PDZRN4: variants seen among roughly 807,000 people sequenced by gnomAD.
The protein encoded by PDZRN4 is PDZ domain-containing RING finger protein 4.
In PDZRN4, 70 loss-of-function variants were observed where a neutral mutation model predicts 99.0. That is an observed-to-expected ratio of 0.71 (90% CI 0.58 to 0.86). PDZRN4 has a LOEUF of 0.86. Ranked by LOEUF, PDZRN4 falls within the 40% of genes least tolerant of loss-of-function variation. The pLI is 0.00. For missense variants in PDZRN4, 1,474 were observed against 1,331.2 expected (o/e 1.11, Z -1.67); for synonymous variants, 551 against 501.6 (o/e 1.10, Z -1.32).
At chr12:41,280,993 T>C (rs536588595) in intron 3 of PDZRN4, among the ~76,000 whole-genome samples, 4 of 152,262 alleles carry the variant, frequency 2.6e-5, no homozygotes, top group South Asian at 2.1e-4. Flanking sequence ...GGTTCCCCTC[T>C]GGGACAAAGC....
intron 3 of PDZRN4, among the ~76,000 whole-genome samples, chr12:41,221,281 C>T (rs1950953998): frequency 6.6e-6 from 1 of 152,184 alleles, no homozygotes; most frequent in African/African-American, 2.4e-5. Context: ...TTTGTTACAG[C>T]ACTTACTCGT....
At chr12:41,296,550 C>G (rs1458262028) in intron 3 of PDZRN4, among the ~76,000 whole-genome samples, 5 of 152,138 alleles carry the variant, frequency 3.3e-5, no homozygotes, top group African/African-American at 9.7e-5. Context: ...AATATTCCTG[C>G]TCATTGCTTT....
At position 41,572,493 on chromosome 12, in the gene PDZRN4, A is replaced by T. The variant is rs1939498970; in HGVS notation, c.1714A>T (p.Asn572Tyr). ...LRNDESSEQE[N>Y]AAEDPNSTSL... The stretch of plus-strand genomic sequence containing the variant: ...AAATGATGAGAGCTCAGAGCAGGAG[A>T]ATGCAGCCGAGGACCCCAATAGCAC... The change falls in exon 10 of 10, where the codon AAT (asparagine) becomes TAT (tyrosine). Residue 572 changes from asparagine to tyrosine, a missense_variant. Coordinates refer to ENST00000402685, the MANE Select transcript of PDZRN4 (RefSeq NM_001164595.2). 6.2e-7 allele frequency: 1 copy of T among 1,614,106 alleles called. No individual in the cohort carries two copies. Among genetic ancestry groups the T allele is most frequent in the Non-Finnish European group, 8.5e-7 (1 of 1,180,006 alleles).
At chr12:41,424,225 C>A (rs1053838446) in intron 3 of PDZRN4, among the ~76,000 whole-genome samples, 1 of 152,108 alleles carries the variant, frequency 6.6e-6, no homozygotes, top group African/African-American at 2.4e-5. Flanking sequence ...ATGCAAACTT[C>A]CTCTGAGAGT....
At chr12:41,278,836 A>G (rs998965782) in intron 3 of PDZRN4, among the ~76,000 whole-genome samples, 1 of 152,164 alleles carries the variant, frequency 6.6e-6, no homozygotes, top group Non-Finnish European at 1.5e-5. Context: ...GATTAAATGG[A>G]GGGTCTCAGT....
chr12:41,434,288 C>A (rs866209049), intron 3 of PDZRN4, among the ~76,000 whole-genome samples: 3 of 152,058 alleles, frequency 2.0e-5, no homozygotes, highest in African/African-American at 7.2e-5. Context: ...CCTCTGTTCT[C>A]TGCATTCGCT....
intron 5 of PDZRN4, among the ~76,000 whole-genome samples, chr12:41,513,076 C>T (rs188164207): frequency 3.9e-5 from 6 of 152,100 alleles, no homozygotes; most frequent in African/African-American, 1.4e-4. Flanking sequence ...CTGTGTATCT[C>T]GTGAGTACTT....
intron 9 of PDZRN4, among the ~76,000 whole-genome samples, chr12:41,570,507 T>C (rs1022068393): frequency 6.6e-6 from 1 of 152,222 alleles, no homozygotes; most frequent in Non-Finnish European, 1.5e-5. Context: ...ACAGTATGTT[T>C]GGTCTTATGA....
intron 3 of PDZRN4, among the ~76,000 whole-genome samples, chr12:41,284,886 A>T (rs1951412235): frequency 6.6e-6 from 1 of 152,214 alleles, no homozygotes; most frequent in Non-Finnish European, 1.5e-5. Context: ...TAAACATAAG[A>T]TCTAAAACCT....
chr12:41,571,182 C>G (rs963711412), intron 9 of PDZRN4, among the ~76,000 whole-genome samples: 2 of 151,916 alleles, frequency 1.3e-5, no homozygotes, highest in African/African-American at 4.8e-5. Flanking sequence ...AGGCATAAGG[C>G]AGATATAACC....
At chr12:41,469,095 G>T (rs1445787099) in intron 3 of PDZRN4, among the ~76,000 whole-genome samples, 20 of 152,144 alleles carry the variant, frequency 1.3e-4, no homozygotes. Context: ...TGTGGTACTA[G>T]GTTTCCTGAA....
chr12:41,477,807 T>G, intron 3 of PDZRN4: 1 of 949,640 alleles, frequency 1.1e-6, no homozygotes, highest in Non-Finnish European at 1.6e-6. Flanking sequence ...TTACCATGCA[T>G]GTGGTAATGA....
At chr12:41,570,607 C>T (rs1010700613) in intron 9 of PDZRN4, among the ~76,000 whole-genome samples, 2 of 152,006 alleles carry the variant, frequency 1.3e-5, no homozygotes, top group African/African-American at 4.8e-5. Context: ...TACTAGTCTT[C>T]TTGTATTTTT....
At chr12:41,420,804 C>T (rs892454533) in intron 3 of PDZRN4, among the ~76,000 whole-genome samples, 5 of 152,102 alleles carry the variant, frequency 3.3e-5, no homozygotes, top group Non-Finnish European at 7.4e-5. Flanking sequence ...GTTTTAAATA[C>T]GTGTTAGTGA....
intron 3 of PDZRN4, among the ~76,000 whole-genome samples, chr12:41,457,762 T>C (rs950786062): frequency 4.2e-4 from 64 of 152,192 alleles, no homozygotes; most frequent in Non-Finnish European, 3.4e-4. Flanking sequence ...TAGTAACTTT[T>C]TGGTGATAGG....
At chr12:41,460,109 C>T in intron 3 of PDZRN4, 1 of 1,271,022 alleles carries the variant, frequency 7.9e-7, no homozygotes, top group South Asian at 1.3e-5. Flanking sequence ...GTCAGGGGAT[C>T]ATAAACATAG....
At chr12:41,343,986 A>G (rs1038246216) in intron 3 of PDZRN4, among the ~76,000 whole-genome samples, 4 of 152,110 alleles carry the variant, frequency 2.6e-5, no homozygotes, top group Non-Finnish European at 4.4e-5. Context: ...AAATGTAATT[A>G]TGTTAGGTCC....
rs549957807 is a variant in PDZRN4, at chr12:41,573,181, G to T, written c.2402G>T (p.Gly801Val). Residue 801 changes from glycine to valine, a missense_variant, in exon 10 of 10, where the codon GGT (glycine) becomes GTT (valine). Gly to Val is a moderately radical substitution (Grantham distance 109, BLOSUM62 -3). Transcript: ENST00000402685. ...ACCAAAGCCAAAACCACTGAGCAAG[G>T]TTGTAGCGCTGAAAGCAAGGAGAAG... ...TSTKAKTTEQ[G>V]CSAESKEKVL... 3.1e-6 allele frequency: 5 copies of T among 1,614,114 alleles called. No homozygotes were observed. In the South Asian group the frequency reaches 5.5e-5, roughly 18 times the overall value.
At chr12:41,377,520 C>G (rs891437295) in intron 3 of PDZRN4, among the ~76,000 whole-genome samples, 3 of 152,118 alleles carry the variant, frequency 2.0e-5, no homozygotes, top group East Asian at 1.9e-4. Flanking sequence ...AAAAAATTAG[C>G]CGGGCATGGC....
Sources: allele counts gnomAD v4.1 joint callset (sites outside exome capture counted in the v4.1 genomes callset), GRCh38; gene constraint gnomAD v4.1.1; transcripts MANE v1.5; gene names NCBI Gene and HGNC (gene_info 2026-07-23, HGNC 2026-07-21).